Variants in DRC1 observed in about 807,000 individuals in gnomAD.
DRC1 encodes dynein regulatory complex protein 1.
DRC1 carries 74 observed loss-of-function variants against 98.7 expected under a neutral mutation model. The ratio of observed to expected loss-of-function variants is 0.75; its 90% CI spans 0.62 to 0.91. The LOEUF (loss-of-function observed/expected upper bound fraction) is 0.91. Among genes scored for constraint, DRC1 ranks in the 40% least tolerant of loss-of-function variants. The pLI, the probability that DRC1 is intolerant of heterozygous loss-of-function variation, is 0.00. For missense variants in DRC1, 875 were observed against 886.0 expected (o/e 0.99, Z 0.16); for synonymous variants, 336 against 334.1 (o/e 1.01, Z -0.06).
chr2:26,406,667 G>A (rs372841623), intron 1 of DRC1, among the ~76,000 whole-genome samples: 18 of 152,150 alleles, frequency 1.2e-4, no homozygotes, highest in African/African-American at 2.9e-4. Context: ...AGCCAAGATC[G>A]AGCCACTGTA....
In DRC1 at chr2:26,424,369, A is replaced by G. The variant is rs1186275301; in HGVS notation, c.455A>G (p.Glu152Gly). 1.2e-6 allele frequency: 2 copies of G among 1,613,706 alleles called. No individual in the cohort carries two copies. Among genetic ancestry groups the G allele is most frequent in the African/African-American group, 2.7e-5 (2 of 74,804 alleles). The part of the protein sequence containing the change: ...EEGKQKRIPQ[E>G]LWEMLNTQQL... ...GGCAAGCAGAAGAGAATTCCCCAAGAGCTGTGGGAAATGCTCAATACCCAA... is the reference window on the plus strand; with the variant it reads ...GGCAAGCAGAAGAGAATTCCCCAAGGGCTGTGGGAAATGCTCAATACCCAA... The change falls in exon 4 of 17, where the codon GAG (glutamate) becomes GGG (glycine). Residue 152 changes from glutamate to glycine, a missense_variant. Coordinates refer to ENST00000288710, the MANE Select transcript of DRC1 (RefSeq NM_145038.5).
chr2:26,430,276 A>G (rs903123155), intron 5 of DRC1, among the ~76,000 whole-genome samples: 3 of 152,152 alleles, frequency 2.0e-5, no homozygotes, highest in Non-Finnish European at 4.4e-5. Context: ...TGAAATGTTC[A>G]AGATTGAGAT....
chr2:26,407,654 C>T (rs1449909958), intron 1 of DRC1, among the ~76,000 whole-genome samples: 2 of 152,046 alleles, frequency 1.3e-5, no homozygotes, highest in African/African-American at 4.8e-5. Flanking sequence ...TCCGACCACC[C>T]GGCACCCTCC....
intron 2 of DRC1, among the ~76,000 whole-genome samples, chr2:26,415,935 CAAAA>C (rs59566642): frequency 4.1e-5 from 4 of 98,380 alleles, no homozygotes; most frequent in African/African-American, 6.9e-5. Context: ...CTTTCTCTTT[CAAAA>C]AAAAAAAAAA....
intron 9 of DRC1, 137 bp downstream of exon 9, chr2:26,444,493 G>A (rs1353195214): frequency 3.2e-6 from 4 of 1,255,788 alleles, no homozygotes; most frequent in East Asian, 2.5e-5. Context: ...TTAACCTTTT[G>A]TGGTGTGTTC....
At chr2:26,402,195 G>A (rs1222065673) in intron 1 of DRC1, 51 bp downstream of exon 1, 14 of 1,507,460 alleles carry the variant, frequency 9.3e-6, no homozygotes, top group Non-Finnish European at 1.2e-5. Flanking sequence ...AGCCGGAGAA[G>A]GGCTGGTTTC....
chr2:26,415,251 A>G (rs1678759297), intron 2 of DRC1, among the ~76,000 whole-genome samples: 3 of 152,214 alleles, frequency 2.0e-5, no homozygotes, highest in Non-Finnish European at 2.9e-5. Flanking sequence ...AGAACTGGCA[A>G]AATGCTGCAT....
intron 3 of DRC1, 104 bp downstream of exon 3, chr2:26,421,504 T>G (rs2147985433): frequency 1.3e-6 from 1 of 772,932 alleles, no homozygotes; most frequent in Non-Finnish European, 2.0e-6. Flanking sequence ...CCTTAGACAA[T>G]TCCCTTCCTG....
chr2:26,453,640 A>G, intron 14 of DRC1, 91 bp downstream of exon 14: 1 of 1,326,674 alleles, frequency 7.5e-7, no homozygotes, highest in Non-Finnish European at 1.0e-6. Flanking sequence ...AGTGGAGAAG[A>G]GTCTGCTGGG....
chr2:26,413,715 G>A (rs1678699759), intron 1 of DRC1, among the ~76,000 whole-genome samples: 1 of 151,928 alleles, frequency 6.6e-6, no homozygotes. Flanking sequence ...CCTATTTTAT[G>A]GATAGTAAAA....
intron 1 of DRC1, among the ~76,000 whole-genome samples, chr2:26,413,084 G>A (rs1469048116): frequency 6.6e-6 from 1 of 152,186 alleles, no homozygotes; most frequent in Non-Finnish European, 1.5e-5. Flanking sequence ...GCCCAGCCAA[G>A]CCTGTTTTAA....
chr2:26,446,094 A>AT (rs35251803), intron 10 of DRC1, among the ~76,000 whole-genome samples: 3,401 of 82,980 alleles, frequency 0.041, 240 homozygotes, highest in African/African-American at 0.11. Flanking sequence ...CAAATAGGGA[A>AT]TTTTTTTTTT....
intron 3 of DRC1, 77 bp downstream of exon 3, chr2:26,421,477 G>A (rs913520496): frequency 3.2e-5 from 41 of 1,270,382 alleles, no homozygotes; most frequent in Admixed American, 1.6e-4. Flanking sequence ...CGAATTGTTG[G>A]AGGGTGACTT....
intron 2 of DRC1, among the ~76,000 whole-genome samples, chr2:26,418,654 ATTATATATTATATAAATTAAATATAAT>A (rs2147983436): frequency 1.1e-5 from 1 of 87,342 alleles, no homozygotes; most frequent in South Asian, 3.1e-4. Context: ...TAATATATAA[ATTATATATTATATAAATTAAATATAAT>A]TTATATTATA....
chr2:26,424,113 A>G (rs1350450342), intron 3 of DRC1, among the ~76,000 whole-genome samples, 158 bp from the exon 4 acceptor site: 2 of 152,152 alleles, frequency 1.3e-5, no homozygotes, highest in Non-Finnish European at 2.9e-5. Context: ...CGTTAAACGA[A>G]AAGATTTCTC....
chr2:26,432,041 G>T, intron 7 of DRC1, 35 bp downstream of exon 7: 1 of 1,605,554 alleles, frequency 6.2e-7, no homozygotes, highest in South Asian at 1.1e-5. Context: ...GTGCCTGGGT[G>T]GCGGAGCAGA....
chr2:26,438,152 A>G (rs1558448245), intron 7 of DRC1, among the ~76,000 whole-genome samples: 1 of 151,914 alleles, frequency 6.6e-6, no homozygotes, highest in Non-Finnish European at 1.5e-5. Context: ...AAACTTTACT[A>G]ACATGGAAAA....
rs1558438028 is a variant in DRC1 at position 26,418,596 on chromosome 2, T to TA, written c.244-2692_244-2691insA. Among the ~76,000 whole-genome samples, 104 of 95,236 alleles carry TA rather than the reference T, an allele frequency of 1.1e-3. 1 individual carries two copies. Among genetic ancestry groups the TA allele is most frequent in the African/African-American group, 4.8e-3 (100 of 20,748 alleles). The allele number at this position is 95,236 out of a possible 152,430, so 62.5% of individuals were successfully genotyped here. On this transcript the variant is annotated intron_variant, in intron 2 of 16. Coordinates refer to ENST00000288710, the MANE Select transcript of DRC1 (RefSeq NM_145038.5). ...ATATTATATATAAATTATATATAAT[T>TA]TATATAATATATAAATTATATATAA...
chr2:26,415,346 G>A (rs1405350040), intron 2 of DRC1, among the ~76,000 whole-genome samples: 2 of 152,164 alleles, frequency 1.3e-5, no homozygotes. Flanking sequence ...GGCCTGGTCA[G>A]GGAAAGTTCG....
Sources: gnomAD v4.1 joint callset for allele counts (sites outside exome capture counted in the v4.1 genomes callset) on GRCh38, gnomAD v4.1.1 for gene constraint, MANE v1.5 for transcripts, NCBI Gene and HGNC (gene_info 2026-07-23, HGNC 2026-07-21) for gene names.